APOL5: variants seen among roughly 807,000 people sequenced by gnomAD.
APOL5 encodes the protein apolipoprotein L5, also known as apolipoprotein L, 5.
APOL5 carries 29 observed loss-of-function variants against 35.5 expected under a neutral mutation model. The observed-to-expected ratio is 0.82, with a 90% confidence interval of 0.61 to 1.11. The LOEUF (loss-of-function observed/expected upper bound fraction) is 1.11, where lower values mean the gene tolerates loss of function less well. Ranked by LOEUF, APOL5 falls within the 50% of genes most tolerant of loss-of-function variation. APOL5 has a pLI of 0.00. For synonymous variants in APOL5, 188 were observed against 200.2 expected, an observed-to-expected ratio of 0.94 and a Z score of 0.51; for missense variants, 514 against 530.4, an observed-to-expected ratio of 0.97 and a Z score of 0.30.
intron 2 of APOL5, 50 bp from the exon 3 acceptor site, chr22:35,726,161 C>A: frequency 6.4e-7 from 1 of 1,569,206 alleles, no homozygotes; most frequent in South Asian, 1.2e-5. Context: ...ATTCTCAGGG[C>A]TCTGCCTCCT....
At chr22:35,711,737 A>G in the APOL5 span, among the ~76,000 whole-genome samples, 1 of 143,238 alleles carries the variant, frequency 7.0e-6, no homozygotes, top group East Asian at 2.1e-4. Context: ...GTGCAGTGGC[A>G]TGATCTCAGC....
upstream of APOL5, among the ~76,000 whole-genome samples, chr22:35,715,298 TC>T (rs1320589724): frequency 2.0e-5 from 3 of 152,138 alleles, no homozygotes; most frequent in Non-Finnish European, 4.4e-5. Context: ...TCTCCCAAGA[TC>T]TATTCTAGCC....
rs1481278570 is a variant in APOL5, at chr22:35,720,575, A to G, written c.63A>G (p.Gly21=). The change falls in exon 2 of 5, where the codon GGA becomes GGG. Residue 21 remains glycine, a synonymous_variant. Coordinates refer to ENST00000249044, the MANE Select transcript of APOL5 (RefSeq NM_030642.1). ...VPGSKVLPGL[G]EGCKEMWLRK... ...ATCCTTGTCCATCTCCAGGCTTGGG[A>G]GAAGGTTGTAAAGAAATGTGGCTTC... is the stretch of plus-strand genomic sequence containing the variant. 6.2e-7 allele frequency: 1 copy of G among 1,613,914 alleles called. No homozygotes were observed. Among genetic ancestry groups the G allele is most frequent in the African/African-American group, 1.3e-5 (1 of 74,890 alleles).
chr22:35,729,097 G>C (rs1398532397), intron 4 of APOL5, among the ~76,000 whole-genome samples, 193 bp downstream of exon 4: 1 of 152,176 alleles, frequency 6.6e-6, no homozygotes, highest in African/African-American at 2.4e-5. Flanking sequence ...AGCTCTCTCT[G>C]TACTTCCTGC....
chr22:35,714,432 G>A (rs571734085), upstream of APOL5, among the ~76,000 whole-genome samples: 25 of 152,344 alleles, frequency 1.6e-4, no homozygotes, highest in Non-Finnish European at 3.7e-4. Context: ...AATTCCAGAA[G>A]TGCCTAGATT....
intron 1 of APOL5, 85 bp from the exon 2 acceptor site, chr22:35,720,483 C>A: frequency 2.6e-6 from 3 of 1,137,232 alleles, no homozygotes; most frequent in East Asian, 2.4e-5. Context: ...TGTAATTAGA[C>A]AGCCAACTTT....
intron 2 of APOL5, among the ~76,000 whole-genome samples, chr22:35,725,571 T>A (rs1004916601): frequency 1.3e-5 from 2 of 151,986 alleles, no homozygotes; most frequent in South Asian, 2.1e-4. Context: ...TTTTTTTTTT[T>A]AAAGGATAAT....
Position 35,727,207 on chromosome 22 carries a change from C to G in APOL5, c.1126+13C>G. ...GTTAAACCAGAAGGTAGGAAGGCAG[C>G]GAATAACACGGACGTGGTCTTGCTC... On this transcript the variant is annotated intron_variant, in intron 3 of 4. Transcript: ENST00000249044. The G allele has an allele frequency of 6.3e-7, 1 of 1,587,228 alleles. No individual in the cohort carries two copies. The highest frequency in any genetic ancestry group is 8.5e-7 in the Non-Finnish European group (1 of 1,172,932).
chr22:35,717,251 T>TATTA (rs1926784355), upstream of APOL5, among the ~76,000 whole-genome samples: 1 of 105,796 alleles, frequency 9.5e-6, no homozygotes, highest in African/African-American at 3.1e-5. Context: ...TATATATATA[T>TATTA]ATATTAGCTG....
intron 3 of APOL5, among the ~76,000 whole-genome samples, chr22:35,728,254 C>T (rs775239978): frequency 6.6e-6 from 1 of 152,166 alleles, no homozygotes; most frequent in Non-Finnish European, 1.5e-5. Context: ...GACGGAGTCT[C>T]GCTCTGTTGC....
intron 2 of APOL5, among the ~76,000 whole-genome samples, chr22:35,724,743 T>C (rs1165131718): frequency 6.6e-6 from 1 of 152,112 alleles, no homozygotes; most frequent in Admixed American, 6.6e-5. Flanking sequence ...CCTGAGTAGC[T>C]GGGACTACAG....
intron 2 of APOL5, among the ~76,000 whole-genome samples, chr22:35,725,393 G>A (rs968235013): frequency 5.3e-5 from 8 of 152,068 alleles, no homozygotes; most frequent in Non-Finnish European, 1.0e-4. Context: ...AGCTTCCCGA[G>A]TAGCTTGGAC....
chr22:35,726,747 G>A lies in APOL5; in HGVS notation c.679G>A (p.Gly227Ser), dbSNP rs953449561. The change falls in exon 3 of 5, where the codon GGC becomes AGC. Residue 227 changes from glycine (G) to serine (S), a missense_variant. Gly to Ser is a moderately conservative substitution (Grantham distance 56). Transcript: ENST00000249044. ...AAATTGGTCTGAAATCGAGGCTGCT[G>A]GCTTTTGTGTTAATAAGTGTGTAAA... The part of the protein sequence containing the change: ...GINWSEIEAA[G>S]FCVNKCVKAI... The A allele has an allele frequency of 6.2e-7, 1 of 1,614,122 alleles. No individual in the cohort carries two copies. The highest frequency in any genetic ancestry group is 1.3e-5 in the African/African-American group (1 of 74,930).
intron 3 of APOL5, among the ~76,000 whole-genome samples, chr22:35,727,603 C>T (rs1227078339): frequency 6.6e-6 from 1 of 152,094 alleles, no homozygotes; most frequent in East Asian, 1.9e-4. Context: ...GAGCCGGTTC[C>T]TGGGTAGAGG....
chr22:35,712,068 G>A, the APOL5 span, among the ~76,000 whole-genome samples: 3 of 152,096 alleles, frequency 2.0e-5, no homozygotes, highest in Non-Finnish European at 2.9e-5. Flanking sequence ...GTGCAGTGGT[G>A]CTATCATGGC....
the APOL5 span, among the ~76,000 whole-genome samples, chr22:35,712,126 C>A: frequency 6.6e-6 from 1 of 152,124 alleles, no homozygotes; most frequent in Non-Finnish European, 1.5e-5. Flanking sequence ...CCCATTTCAG[C>A]CTCCTCAGTA....
the APOL5 span, among the ~76,000 whole-genome samples, chr22:35,710,663 G>T: frequency 4.1e-4 from 63 of 152,088 alleles, no homozygotes; most frequent in South Asian, 2.1e-3. Context: ...TTGTCCTCTT[G>T]CAAAACTGAA....
Position 35,726,548 on chromosome 22 carries a change from TGTGACAGCAGGAGGCA to T in APOL5, c.483_498del (p.Thr162SerfsTer19). The T allele has an allele frequency of 6.2e-7, 1 of 1,614,164 alleles. No individual in the cohort carries two copies. Among genetic ancestry groups the T allele is most frequent in the African/African-American group, 1.3e-5 (1 of 75,036 alleles). ...ACATCCTGGGTTTGGCCCTAGCACCTGTGACAGCAGGAGGCAGTCTCATGCTCTCAGCAACTGGGAC... is the reference window on the plus strand; with the variant it reads ...ACATCCTGGGTTTGGCCCTAGCACCTGTCTCATGCTCTCAGCAACTGGGAC... On this transcript the variant is annotated frameshift_variant, in exon 3 of 5. Coordinates refer to ENST00000249044, the MANE Select transcript of APOL5 (RefSeq NM_030642.1). LOFTEE classifies it high-confidence loss of function.
At chr22:35,717,235 A>AAAAAAAAAAAAAAAAAAAAATATATATAT, upstream of APOL5, among the ~76,000 whole-genome samples, 15 of 57,648 alleles carry the variant, frequency 2.6e-4, no homozygotes, top group Non-Finnish European at 4.3e-4. Context: ...AAAAAAAAAA[A>AAAAAAAAAAAAAAAAAAAAATATATATAT]ATATATATAT....
Sources: allele counts gnomAD v4.1 joint callset (sites outside exome capture counted in the v4.1 genomes callset), GRCh38; gene constraint gnomAD v4.1.1; transcripts MANE v1.5; gene names NCBI Gene and HGNC (gene_info 2026-07-23, HGNC 2026-07-21).